The following RANBP9 variants were observed in gnomAD, a reference collection of about 807,000 sequenced individuals.
The protein encoded by RANBP9 is RAN binding protein 9.
Under a neutral mutation model 84.3 loss-of-function variants are expected in RANBP9, and 15 were observed. That is an observed-to-expected ratio of 0.18 (90% CI 0.12 to 0.27). RANBP9 has a LOEUF of 0.27. Among genes scored for constraint, RANBP9 ranks in the 10% least tolerant of loss-of-function variants. The pLI is 1.00. For missense variants in RANBP9, 809 were observed against 912.8 expected, an observed-to-expected ratio of 0.89 and a Z score of 1.46; for synonymous variants, 392 against 349.6, an observed-to-expected ratio of 1.12 and a Z score of -1.35.
intron 12 of RANBP9, among the ~76,000 whole-genome samples, chr6:13,627,257 T>G (rs116532404): frequency 6.6e-6 from 1 of 152,212 alleles, no homozygotes; most frequent in Admixed American, 6.5e-5. Context: ...TTCCCGCCCC[T>G]AACCCAACCC....
intron 2 of RANBP9, among the ~76,000 whole-genome samples, chr6:13,686,064 G>A (rs1766168868): frequency 8.0e-6 from 1 of 124,816 alleles, no homozygotes; most frequent in East Asian, 2.6e-4. Context: ...CATTTTTTCT[G>A]TACTTTTTTT....
At chr6:13,659,084 C>T (rs543882158) in intron 2 of RANBP9, among the ~76,000 whole-genome samples, 209 of 152,128 alleles carry the variant, frequency 1.4e-3, no homozygotes, top group Admixed American at 2.8e-3. Context: ...TACAGCTATG[C>T]ACTCTACTGA....
chr6:13,680,104 T>C (rs887014240), intron 2 of RANBP9, among the ~76,000 whole-genome samples: 3 of 152,070 alleles, frequency 2.0e-5, no homozygotes, highest in African/African-American at 7.2e-5. Flanking sequence ...CTTTAGAATT[T>C]CTCTGGCAGG....
chr6:13,697,650 T>C lies in RANBP9; in HGVS notation c.572-754A>G, dbSNP rs537195777. 1.1e-4 allele frequency among the ~76,000 whole-genome samples: 16 copies of C among 152,308 alleles called. No homozygotes were observed. The East Asian group carries it at 2.9e-3, about 28-fold the overall frequency. Reference sequence around the variant, plus strand: ...TTGCTAAACTCACAATCACTTCCCCTACCTCTCGCCCAAGACACAAATTAC... The same window carrying C: ...TTGCTAAACTCACAATCACTTCCCCCACCTCTCGCCCAAGACACAAATTAC... On this transcript the variant is annotated intron_variant, in intron 1 of 13. Transcript: ENST00000011619.
chr6:13,632,523 T>C lies in RANBP9; in HGVS notation c.1796-2A>G. The C allele has an allele frequency of 6.2e-7, 1 of 1,610,978 alleles. No individual in the cohort carries two copies. Among genetic ancestry groups the C allele is most frequent in the Non-Finnish European group, 8.5e-7 (1 of 1,177,584 alleles). On this transcript the variant is annotated splice_acceptor_variant, in intron 11 of 13. Transcript: ENST00000011619. LOFTEE classifies it high-confidence loss of function. ...GTCTCAACTGACTTGAATCAACTTC[T>C]GTAAGAAAAACAGACAAGTATTTTA...
At chr6:13,658,218 A>G (rs1184399411) in intron 3 of RANBP9, among the ~76,000 whole-genome samples, 1 of 152,186 alleles carries the variant, frequency 6.6e-6, no homozygotes, top group African/African-American at 2.4e-5. Flanking sequence ...AGCTGATATT[A>G]CTATGTACTA....
chr6:13,644,379 A>C (rs1448680778), intron 6 of RANBP9, among the ~76,000 whole-genome samples, 166 bp downstream of exon 6: 1 of 151,384 alleles, frequency 6.6e-6, no homozygotes, highest in Non-Finnish European at 1.5e-5. Context: ...AATTTGTTTA[A>C]ATAGTGGAGT....
Position 13,688,299 on chromosome 6 carries a change from T to C in RANBP9, c.683+8486A>G, listed in dbSNP as rs1766238787. 2.6e-5 allele frequency among the ~76,000 whole-genome samples: 4 copies of C among 152,326 alleles called. No homozygotes were observed. The South Asian group carries it at 8.3e-4, about 32-fold the overall frequency. ...ATCTTTAACATCTCTGTTCATATCC[T>C]ATCTTGTGAAGGATACCTGAGCAAC... On this transcript the variant is annotated intron_variant, in intron 2 of 13. Transcript: ENST00000011619.
At chr6:13,705,268 G>T (rs1411285334) in intron 1 of RANBP9, among the ~76,000 whole-genome samples, 1 of 151,778 alleles carries the variant, frequency 6.6e-6, no homozygotes, top group Non-Finnish European at 1.5e-5. Flanking sequence ...GCCAGGCGTG[G>T]TGGCAGGCGC....
intron 1 of RANBP9, among the ~76,000 whole-genome samples, chr6:13,709,939 T>A (rs1323764602): frequency 6.6e-6 from 1 of 152,192 alleles, no homozygotes; most frequent in Non-Finnish European, 1.5e-5. Context: ...TGCTTTAGGT[T>A]TGGGGCCTAA....
chr6:13,706,501 T>C (rs1183059008), intron 1 of RANBP9, among the ~76,000 whole-genome samples: 1 of 151,004 alleles, frequency 6.6e-6, no homozygotes, highest in Non-Finnish European at 1.5e-5. Context: ...GAGACCATCC[T>C]GGCCAACATG....
At chr6:13,690,346 T>C (rs1766295457) in intron 2 of RANBP9, among the ~76,000 whole-genome samples, 1 of 152,242 alleles carries the variant, frequency 6.6e-6, no homozygotes, top group Non-Finnish European at 1.5e-5. Flanking sequence ...TGTTTACTCT[T>C]TGTTCACATT....
intron 1 of RANBP9, among the ~76,000 whole-genome samples, chr6:13,702,495 CTAATA>C (rs575785807): frequency 1.3e-3 from 200 of 152,274 alleles, no homozygotes; most frequent in Admixed American, 5.6e-3. Flanking sequence ...ATACCTTGGA[CTAATA>C]TAATATAGTA....
At chr6:13,686,308 T>A (rs776883630) in intron 2 of RANBP9, among the ~76,000 whole-genome samples, 3 of 151,796 alleles carry the variant, frequency 2.0e-5, no homozygotes, top group Non-Finnish European at 2.9e-5. Flanking sequence ...TTTTTTGAGA[T>A]GGAGTCTGGC....
At chr6:13,638,063 G>C (rs186599259) in intron 9 of RANBP9, 108 bp from the exon 10 acceptor site, 1 of 983,058 alleles carries the variant, frequency 1.0e-6, no homozygotes, top group African/African-American at 1.7e-5. Context: ...GAACGTAGGA[G>C]AGTCAATGGA....
intron 1 of RANBP9, among the ~76,000 whole-genome samples, chr6:13,707,003 C>A (rs1281785600): frequency 4.7e-5 from 4 of 85,022 alleles, no homozygotes; most frequent in African/African-American, 2.2e-4. Context: ...AAGACTCTGT[C>A]TCAAAAAAAA....
rs1554108298 is a variant in RANBP9 at position 13,711,236 on chromosome 6, A to AGGCGGG, written c.264_269dup (p.Pro91_Pro92dup). ...CGGGGGCAGCCGCTGAGGCAGGGGG[A>AGGCGGG]GGCGGGGGCGGCGGCGGGGGCGGCG... On this transcript the variant is annotated inframe_insertion, in exon 1 of 14. Coordinates refer to ENST00000011619, the MANE Select transcript of RANBP9 (RefSeq NM_005493.3). 2 of 326,298 alleles carry AGGCGGG rather than the reference A, an allele frequency of 6.1e-6. No individual in the cohort carries two copies. The highest frequency in any genetic ancestry group is 1.5e-4 in the South Asian group (1 of 6,896). 20.2% of individuals were successfully genotyped at this position (326,298 alleles called of 1,614,324 possible). A position where few individuals can be genotyped will look rare whatever the true frequency, so the allele number is the denominator to read the frequency against.
intron 2 of RANBP9, among the ~76,000 whole-genome samples, chr6:13,686,100 TCCCCCCCCCCC>T (rs869051500): frequency 5.7e-4 from 4 of 6,994 alleles, no homozygotes; most frequent in Admixed American, 3.5e-3. Context: ...CAAAATTTCT[TCCCCCCCCCCC>T]CCCCGCCCCC....
intron 1 of RANBP9, among the ~76,000 whole-genome samples, chr6:13,707,721 T>C (rs1039158432): frequency 3.9e-5 from 6 of 152,212 alleles, no homozygotes; most frequent in Non-Finnish European, 7.3e-5. Context: ...TGTGTATATA[T>C]AAAGCACTCT....
Sources: allele counts gnomAD v4.1 joint callset (sites outside exome capture counted in the v4.1 genomes callset), GRCh38; gene constraint gnomAD v4.1.1; transcripts MANE v1.5; gene names NCBI Gene and HGNC (gene_info 2026-07-23, HGNC 2026-07-21).